QKI: variants seen among roughly 807,000 people sequenced by gnomAD.
QKI encodes the protein QKI, KH domain containing RNA binding, also known as KH domain-containing RNA-binding protein QKI.
In QKI, 10 loss-of-function variants were observed where a neutral mutation model predicts 39.0. The observed-to-expected ratio is 0.26, with a 90% CI of 0.16 to 0.43. QKI has a LOEUF of 0.43. QKI is among the 20% of genes least tolerant of loss of function. The probability of loss-of-function intolerance (pLI) is 1.00; values close to 1 mark genes in which losing one functional copy is unlikely to be tolerated. For missense variants in QKI, 218 were observed against 428.0 expected (o/e 0.51, Z 4.33); for synonymous variants, 204 against 155.4 (o/e 1.31, Z -2.33).
rs918940524 is a variant in QKI, at chr6:163,553,125, T to C, written c.547-8857T>C. Among the ~76,000 whole-genome samples, 3 of 146,348 alleles carry C rather than the reference T, an allele frequency of 2.0e-5. No individual in the cohort carries two copies. The Admixed American group carries it at 2.1e-4, about 10-fold the overall frequency. ...TTATTTATTTATTTATTTTTTGAGA[T>C]GGAGTTTCACTCTTGTTGCCTAGGC... On this transcript the variant is annotated intron_variant, in intron 4 of 7. Coordinates refer to ENST00000361752, the MANE Select transcript of QKI (RefSeq NM_006775.3).
intron 1 of QKI, among the ~76,000 whole-genome samples, chr6:163,444,981 C>T (rs1790039708): frequency 2.0e-5 from 3 of 152,130 alleles, no homozygotes; most frequent in South Asian, 4.2e-4. Flanking sequence ...TGATCATGGA[C>T]CACTGCAGCC....
chr6:163,466,773 G>A (rs1207085506), intron 2 of QKI, among the ~76,000 whole-genome samples: 1 of 151,800 alleles, frequency 6.6e-6, no homozygotes, highest in African/African-American at 2.4e-5. Flanking sequence ...AAAACATGTA[G>A]GAAAAAACAC....
chr6:163,535,809 G>T (rs971551526), intron 4 of QKI, among the ~76,000 whole-genome samples: 4 of 152,068 alleles, frequency 2.6e-5, no homozygotes, highest in Non-Finnish European at 5.9e-5. Flanking sequence ...GCAGGCACCT[G>T]TAATCCCAGC....
chr6:163,452,056 A>G (rs774759510), intron 1 of QKI, among the ~76,000 whole-genome samples: 3 of 152,236 alleles, frequency 2.0e-5, no homozygotes, highest in Non-Finnish European at 2.9e-5. Context: ...ATTGGAAACC[A>G]GTGGATTTAG....
chr6:163,442,276 G>A (rs2128215235), intron 1 of QKI, among the ~76,000 whole-genome samples: 1 of 152,252 alleles, frequency 6.6e-6, no homozygotes, highest in Admixed American at 6.5e-5. Context: ...TATATAATAA[G>A]TTTACTAGTA....
intron 3 of QKI, among the ~76,000 whole-genome samples, chr6:163,482,119 G>A (rs1235043842): frequency 1.3e-5 from 2 of 152,176 alleles, no homozygotes; most frequent in Non-Finnish European, 2.9e-5. Flanking sequence ...AGGAGTTGAG[G>A]CAACAGTGAG....
rs1252830724 is a variant in QKI at position 163,563,447 on chromosome 6, C to T, written c.662C>T (p.Thr221Ile). 1.2e-6 allele frequency: 2 copies of T among 1,609,776 alleles called. No homozygotes were observed. The highest frequency in any genetic ancestry group is 2.2e-5 in the East Asian group (1 of 44,840). Residue 221 changes from threonine to isoleucine, a missense_variant, in exon 6 of 8, where the codon ACA becomes ATA. Transcript: ENST00000361752. ...SPALAFSLAATAQAAPRIITG... is the reference protein window; with the variant it reads ...SPALAFSLAAIAQAAPRIITG... Reference sequence around the variant, plus strand: ...GCCCTTGCCTTTTCTCTTGCAGCAACAGCCCAGGCTGCTCCAAGGATCATT... The same window carrying T: ...GCCCTTGCCTTTTCTCTTGCAGCAATAGCCCAGGCTGCTCCAAGGATCATT...
chr6:163,492,317 G>A (rs1448771377), intron 3 of QKI, among the ~76,000 whole-genome samples: 1 of 151,006 alleles, frequency 6.6e-6, no homozygotes, highest in African/African-American at 2.5e-5. Context: ...AAATTATTTT[G>A]TTGTTCTTTA....
intron 3 of QKI, among the ~76,000 whole-genome samples, chr6:163,524,857 A>G (rs1350624318): frequency 6.6e-6 from 1 of 152,158 alleles, no homozygotes; most frequent in Non-Finnish European, 1.5e-5. Flanking sequence ...GAGCTCTTAA[A>G]TGACGGGTAC....
rs779140326 is a variant in QKI, at chr6:163,563,416, G to A, written c.635-4G>A. ...TTCTTTCTAAATTTCTTTGCTTACT[G>A]TAGCAGCCCTTGCCTTTTCTCTTGC... On this transcript the variant is annotated splice_region_variant and splice_polypyrimidine_tract_variant and intron_variant, in intron 5 of 7. Coordinates refer to ENST00000361752, the MANE Select transcript of QKI (RefSeq NM_006775.3). 1.1e-5 allele frequency: 17 copies of A among 1,590,946 alleles called. No homozygotes were observed. Among genetic ancestry groups the A allele is most frequent in the Non-Finnish European group, 1.5e-5 (17 of 1,167,488 alleles).
chr6:163,565,987 C>T (rs1562551820), intron 6 of QKI: 1 of 1,612,722 alleles, frequency 6.2e-7, no homozygotes, highest in Non-Finnish European at 8.5e-7. Context: ...CAAGAACGGT[C>T]TTAACTGAAC....
chr6:163,458,172 GT>G (rs1431200326), intron 2 of QKI, among the ~76,000 whole-genome samples: 9 of 152,156 alleles, frequency 5.9e-5, no homozygotes, highest in African/African-American at 1.7e-4. Context: ...TTTGCTGCTT[GT>G]TTTGTGACTT....
intron 3 of QKI, among the ~76,000 whole-genome samples, chr6:163,506,121 T>G (rs1779080742): frequency 6.6e-6 from 1 of 151,838 alleles, no homozygotes; most frequent in Non-Finnish European, 1.5e-5. Context: ...CACCATGATT[T>G]TAAGGTTTCT....
At chr6:163,543,300 A>C (rs1483907635) in intron 4 of QKI, among the ~76,000 whole-genome samples, 3 of 152,152 alleles carry the variant, frequency 2.0e-5, no homozygotes, top group South Asian at 4.1e-4. Flanking sequence ...ATTAAAACAT[A>C]TATTAAAAGA....
At chr6:163,454,304 CT>C (rs1218334940) in intron 1 of QKI, among the ~76,000 whole-genome samples, 1 of 151,978 alleles carries the variant, frequency 6.6e-6, no homozygotes, top group African/African-American at 2.4e-5. Flanking sequence ...AATTCTCCTA[CT>C]TTTAAAAAAA....
At chr6:163,485,545 G>A (rs562445455) in intron 3 of QKI, among the ~76,000 whole-genome samples, 6 of 152,284 alleles carry the variant, frequency 3.9e-5, no homozygotes, top group African/African-American at 1.2e-4. Context: ...TGTCTTATCC[G>A]TCTGCAATTT....
rs192298562 is a variant in QKI at position 163,463,991 on chromosome 6, C to T, written c.285+8570C>T. Reference sequence around the variant, plus strand: ...CCAAACATGCTCAGCTCCCCCTCATCCCACAATATTGAGCTGTAGTGCTCC... The same window carrying T: ...CCAAACATGCTCAGCTCCCCCTCATTCCACAATATTGAGCTGTAGTGCTCC... On this transcript the variant is annotated intron_variant, in intron 2 of 7. Transcript: ENST00000361752. 6.8e-3 allele frequency among the ~76,000 whole-genome samples: 1,031 copies of T among 152,260 alleles called. 7 individuals are homozygous for T. Among genetic ancestry groups the T allele is most frequent in the South Asian group, 0.016 (76 of 4,826 alleles).
intron 3 of QKI, among the ~76,000 whole-genome samples, chr6:163,508,430 A>G (rs1291629078): frequency 6.6e-6 from 1 of 152,172 alleles, no homozygotes; most frequent in African/African-American, 2.4e-5. Context: ...GAACAATGAT[A>G]TGATTAATTG....
rs1783705795 is a variant in QKI at position 163,571,633 on chromosome 6, T to G, written c.*923T>G. 6.6e-6 allele frequency: 1 copy of G among 151,874 alleles called. No individual in the cohort carries two copies. Among genetic ancestry groups the G allele is most frequent in the South Asian group, 2.1e-4 (1 of 4,816 alleles). 9.4% of individuals were successfully genotyped at this position (151,874 alleles called of 1,614,324 possible). On this transcript the variant is annotated 3_prime_UTR_variant, in exon 8 of 8. Transcript: ENST00000361752. ...TGCATTGAAACAAATGAACAAAAAG[T>G]AGATACTTTTACTATACAAGGGTGC...
Sources: allele counts gnomAD v4.1 joint callset (sites outside exome capture counted in the v4.1 genomes callset), GRCh38; gene constraint gnomAD v4.1.1; transcripts MANE v1.5; gene names NCBI Gene and HGNC (gene_info 2026-07-23, HGNC 2026-07-21).